Variants in C9orf152 observed in about 807,000 individuals in gnomAD.
C9orf152 encodes uncharacterized protein C9orf152.
C9orf152 carries 8 observed loss-of-function variants against 8.5 expected under a neutral mutation model. The ratio of observed to expected loss-of-function variants is 0.94; its 90% CI spans 0.55 to 1.70. The LOEUF (loss-of-function observed/expected upper bound fraction) is 1.70. Ranked by LOEUF, C9orf152 falls within the 40% of genes most tolerant of loss-of-function variation. The pLI, the probability that C9orf152 is intolerant of heterozygous loss-of-function variation, is 0.00. For synonymous variants in C9orf152, 109 were observed against 113.0 expected (o/e 0.96, Z 0.22); for missense variants, 293 against 286.2 (o/e 1.02, Z -0.17).
intron 1 of C9orf152, among the ~76,000 whole-genome samples, chr9:110,204,796 C>T (rs897356515): frequency 2.2e-4 from 34 of 152,270 alleles, no homozygotes; most frequent in African/African-American, 8.2e-4. Context: ...TGGCAACCAC[C>T]ATTCTGCTTT....
chr9:110,207,900 A>G lies in C9orf152; in HGVS notation c.-321T>C. ...AGGTGATAGTGACAAGCGGGGATTA[A>G]TGGGGCGAGAGAAGAAAGAGAGGGA... On this transcript the variant is annotated 5_prime_UTR_variant, in exon 1 of 2. Transcript: ENST00000400613. 1 of 264,032 alleles carries G rather than the reference A, an allele frequency of 3.8e-6. No individual in the cohort carries two copies. The allele number at this position is 264,032 out of a possible 1,614,324, so 16.4% of individuals were successfully genotyped here.
Position 110,205,195 on chromosome 9 carries a change from G to A in C9orf152, c.193+2192C>T, listed in dbSNP as rs530941252. On this transcript the variant is annotated intron_variant, in intron 1 of 1. Transcript: ENST00000400613. ...TCCAGCCCAAATGAGATCCAGGCTG[G>A]ATGGAAGGTCTACAGGCAACTATCT... Among the ~76,000 whole-genome samples, 3 of 152,276 alleles carry A rather than the reference G, an allele frequency of 2.0e-5. No homozygotes were observed. In the East Asian group the frequency reaches 5.8e-4, roughly 29 times the overall value.
chr9:110,200,933 G>A lies in C9orf152; in HGVS notation c.*15C>T. 1 of 1,577,990 alleles carries A rather than the reference G, an allele frequency of 6.3e-7. No homozygotes were observed. Among genetic ancestry groups the A allele is most frequent in the Non-Finnish European group, 8.6e-7 (1 of 1,165,524 alleles). ...GGTGGCCTCAAGGTCAAGACATCTG[G>A]CAGAATAGAAAGCTTCACGCTGAGC... On this transcript the variant is annotated 3_prime_UTR_variant, in exon 2 of 2. Coordinates refer to ENST00000400613, the MANE Select transcript of C9orf152 (RefSeq NM_001012993.3).
chr9:110,205,550 T>A (rs1837264606), intron 1 of C9orf152, among the ~76,000 whole-genome samples: 2 of 152,216 alleles, frequency 1.3e-5, no homozygotes, highest in African/African-American at 4.8e-5. Context: ...TTTATACATA[T>A]TAGTTCATTT....
chr9:110,203,204 T>C lies in C9orf152; in HGVS notation c.194-1730A>G, dbSNP rs186887151. On this transcript the variant is annotated intron_variant, in intron 1 of 1. Transcript: ENST00000400613. The stretch of plus-strand genomic sequence containing the variant: ...GCCCAGCTACTTTTTTTTGTATTTT[T>C]AGTAGAGACGGGGTTTCACTGTGTT... Among the ~76,000 whole-genome samples the C allele has an allele frequency of 3.3e-5, 5 of 152,086 alleles. No homozygotes were observed. In the East Asian group the frequency reaches 9.7e-4, roughly 29 times the overall value.
chr9:110,205,142 T>G (rs1031104281), intron 1 of C9orf152, among the ~76,000 whole-genome samples: 14 of 152,202 alleles, frequency 9.2e-5, no homozygotes, highest in Non-Finnish European at 1.9e-4. Context: ...AGCTACCATC[T>G]ATAGATGAAT....
chr9:110,203,230 A>G lies in C9orf152; in HGVS notation c.194-1756T>C, dbSNP rs371908607. Among the ~76,000 whole-genome samples, 7 of 152,000 alleles carry G rather than the reference A, an allele frequency of 4.6e-5. No homozygotes were observed. The South Asian group carries it at 6.2e-4, about 14-fold the overall frequency. ...AGTAGAGACGGGGTTTCACTGTGTT[A>G]GCCAGGATGGTCTCGATTTCCTGAC... On this transcript the variant is annotated intron_variant, in intron 1 of 1. Coordinates refer to ENST00000400613, the MANE Select transcript of C9orf152 (RefSeq NM_001012993.3).
chr9:110,201,136 G>A lies in C9orf152; in HGVS notation c.532C>T (p.Leu178Phe), dbSNP rs1225920808. ...TGGGTATTGCCCACCTGGCATGGAA[G>A]CTGGGCAGCCTCTGGGATTCCGGTT... ...QGTGIPEAAQ[L>F]PCQVGNTQTK... is the part of the protein sequence containing the mutation. The change falls in exon 2 of 2, where the codon CTT becomes TTT. Residue 178 changes from leucine to phenylalanine, a missense_variant. Leu to Phe is a conservative substitution (Grantham distance 22). Transcript: ENST00000400613. 1.2e-6 allele frequency: 2 copies of A among 1,614,228 alleles called. No individual in the cohort carries two copies. The highest frequency in any genetic ancestry group is 4.5e-5 in the East Asian group (2 of 44,888).
rs151073648 is a variant in C9orf152 at position 110,207,916 on chromosome 9, AAGAG to A, written c.-341_-338del. 1,758 of 234,332 alleles carry A rather than the reference AAGAG, an allele frequency of 7.5e-3. 112 individuals are homozygous for A. In the South Asian group the frequency reaches 0.099, roughly 13 times the overall value. 14.5% of individuals were successfully genotyped at this position (234,332 alleles called of 1,614,324 possible). A position where few individuals can be genotyped will look rare whatever the true frequency, so the allele number is the denominator to read the frequency against. ...CGGGGATTAATGGGGCGAGAGAAGAAAGAGAGGGAGGAAGATGGAGACAGGCAGG... is the reference window on the plus strand; with the variant it reads ...CGGGGATTAATGGGGCGAGAGAAGAAAGGGAGGAAGATGGAGACAGGCAGG... On this transcript the variant is annotated 5_prime_UTR_variant, in exon 1 of 2. Coordinates refer to ENST00000400613, the MANE Select transcript of C9orf152 (RefSeq NM_001012993.3).
intron 1 of C9orf152, among the ~76,000 whole-genome samples, chr9:110,205,913 C>T (rs973992535): frequency 3.3e-5 from 5 of 151,980 alleles, no homozygotes; most frequent in Admixed American, 6.6e-5. Flanking sequence ...AAAAATTAAC[C>T]GAGCATGGTG....
chr9:110,201,450 T>A lies in C9orf152; in HGVS notation c.218A>T (p.Glu73Val), dbSNP rs529821968. The change falls in exon 2 of 2, where the codon GAA becomes GTA. Residue 73 changes from glutamate to valine, a missense_variant. Transcript: ENST00000400613. Reference protein sequence around the residue: ...PKGGNTPAPAESMVNAVWINK... With the variant: ...PKGGNTPAPAVSMVNAVWINK... ...AATCCAAACAGCATTGACCATCGAT[T>A]CTGCAGGAGCAGGTGTGTTTCCTCC... 2.0e-6 allele frequency: 3 copies of A among 1,516,844 alleles called. No individual in the cohort carries two copies. In the African/African-American group the frequency reaches 4.2e-5, roughly 21 times the overall value. 94.0% of individuals were successfully genotyped at this position (1,516,844 alleles called of 1,614,324 possible). A position where few individuals can be genotyped will look rare whatever the true frequency, so the allele number is the denominator to read the frequency against.
In C9orf152 at chr9:110,201,348, T is replaced by C; in HGVS notation, c.320A>G (p.Gln107Arg). 1 of 1,609,610 alleles carries C rather than the reference T, an allele frequency of 6.2e-7. No individual in the cohort carries two copies. Among genetic ancestry groups the C allele is most frequent in the Admixed American group, 1.7e-5 (1 of 59,574 alleles). The change falls in exon 2 of 2, where the codon CAG becomes CGG. Residue 107 changes from glutamine to arginine, a missense_variant. Transcript: ENST00000400613. ...AGACTTGGGGGCCTGAAGGCAGCCC[T>C]GGGCAGCCTCCTCCAGCCTCCCCTC... ...EVEGRLEEAA[Q>R]GCLQAPKSPW...
Position 110,207,449 on chromosome 9 carries a change from G to T in C9orf152, c.131C>A (p.Ala44Asp), listed in dbSNP as rs1265020699. ...GPPLSIQFLRAQYEGLKRQQR... is the reference protein window; with the variant it reads ...GPPLSIQFLRDQYEGLKRQQR... ...CTGCCTCTTCAAGCCTTCATACTGG[G>T]CTCGCAGGAACTGGATGCTGAGTGG... is the stretch of plus-strand genomic sequence containing the variant. The change falls in exon 1 of 2, where the codon GCC becomes GAC. Residue 44 changes from alanine (A) to aspartate (D), a missense_variant. Coordinates refer to ENST00000400613, the MANE Select transcript of C9orf152 (RefSeq NM_001012993.3). 1 of 1,613,304 alleles carries T rather than the reference G, an allele frequency of 6.2e-7. No homozygotes were observed. The highest frequency in any genetic ancestry group is 8.5e-7 in the Non-Finnish European group (1 of 1,179,700).
intron 1 of C9orf152, among the ~76,000 whole-genome samples, chr9:110,203,484 G>A (rs1352350571): frequency 6.6e-6 from 1 of 152,190 alleles, no homozygotes; most frequent in Admixed American, 6.5e-5. Flanking sequence ...CCAGCCTGTG[G>A]TTCAGAGGAA....
In C9orf152 at chr9:110,199,616, A is replaced by G. The variant is rs974291301; in HGVS notation, c.*1332T>C. 4.6e-5 allele frequency: 7 copies of G among 152,214 alleles called. No homozygotes were observed. Among genetic ancestry groups the G allele is most frequent in the African/African-American group, 9.6e-5 (4 of 41,456 alleles). 9.4% of individuals were successfully genotyped at this position (152,214 alleles called of 1,614,324 possible). A position where few individuals can be genotyped will look rare whatever the true frequency, so the allele number is the denominator to read the frequency against. On this transcript the variant is annotated 3_prime_UTR_variant, in exon 2 of 2. Coordinates refer to ENST00000400613, the MANE Select transcript of C9orf152 (RefSeq NM_001012993.3). The stretch of plus-strand genomic sequence containing the variant: ...AATATTTAAAAAACAACTGAATTGT[A>G]TTAATTATTCACAAAAGGAATGACA...
intron 1 of C9orf152, among the ~76,000 whole-genome samples, chr9:110,205,810 T>G (rs1216972708): frequency 6.6e-6 from 1 of 152,060 alleles, no homozygotes; most frequent in Non-Finnish European, 1.5e-5. Context: ...GCCCAGCACT[T>G]TTGAAGGTCG....
intron 1 of C9orf152, among the ~76,000 whole-genome samples, chr9:110,203,215 G>A (rs894511226): frequency 6.6e-6 from 1 of 151,904 alleles, no homozygotes; most frequent in Non-Finnish European, 1.5e-5. Flanking sequence ...AGTAGAGACG[G>A]GGTTTCACTG....
intron 1 of C9orf152, among the ~76,000 whole-genome samples, chr9:110,203,275 G>A (rs773842931): frequency 1.8e-4 from 28 of 152,046 alleles, no homozygotes; most frequent in African/African-American, 5.1e-4. Context: ...CGCCCGCCTC[G>A]GCCTCCCAAA....
At chr9:110,206,592 G>A (rs996892935) in intron 1 of C9orf152, among the ~76,000 whole-genome samples, 1 of 152,198 alleles carries the variant, frequency 6.6e-6, no homozygotes, top group Non-Finnish European at 1.5e-5. Context: ...GTTCCCAAAA[G>A]GCAGCACACT....
Sources: allele counts gnomAD v4.1 joint callset (sites outside exome capture counted in the v4.1 genomes callset), GRCh38; gene constraint gnomAD v4.1.1; transcripts MANE v1.5; gene names NCBI Gene and HGNC (gene_info 2026-07-23, HGNC 2026-07-21).